Variants in POU6F2 observed in about 807,000 individuals in gnomAD.
POU6F2 encodes the protein POU class 6 homeobox 2, also known as POU domain, class 6, transcription factor 2.
A neutral mutation model predicts 71.3 loss-of-function variants in POU6F2; 31 were observed. That is an observed-to-expected ratio of 0.43 (90% CI 0.33 to 0.59). The LOEUF is 0.59. Among genes scored for constraint, POU6F2 ranks in the 20% least tolerant of loss-of-function variants. The pLI, the probability that POU6F2 is intolerant of heterozygous loss-of-function variation, is 0.04. For synonymous variants in POU6F2, 347 were observed against 355.7 expected, an observed-to-expected ratio of 0.98 and a Z score of 0.27; for missense variants, 783 against 856.8, an observed-to-expected ratio of 0.91 and a Z score of 1.07.
At chr7:39,099,100 G>GTTCA (rs1177547168) in intron 2 of POU6F2, among the ~76,000 whole-genome samples, 6 of 152,180 alleles carry the variant, frequency 3.9e-5, no homozygotes, top group Admixed American at 3.3e-4. Flanking sequence ...GGGGACAATA[G>GTTCA]TTCACTCTCT....
chr7:39,337,376 G>A (rs1785800985), intron 4 of POU6F2, among the ~76,000 whole-genome samples: 1 of 152,098 alleles, frequency 6.6e-6, no homozygotes, highest in Non-Finnish European at 1.5e-5. Context: ...ATTGGCCTAT[G>A]TCGTGTATAG....
intron 6 of POU6F2, among the ~76,000 whole-genome samples, chr7:39,429,640 T>C (rs1377275708): frequency 2.0e-5 from 3 of 152,198 alleles, no homozygotes; most frequent in Admixed American, 1.3e-4. Flanking sequence ...TAAATCTGTC[T>C]GGTACATTGA....
At chr7:39,268,272 C>G (rs1784284774) in intron 4 of POU6F2, among the ~76,000 whole-genome samples, 1 of 152,106 alleles carries the variant, frequency 6.6e-6, no homozygotes, top group Non-Finnish European at 1.5e-5. Flanking sequence ...CCATTCTGCA[C>G]CCACCCAAGC....
chr7:39,163,770 C>T (rs1479868452), intron 2 of POU6F2, among the ~76,000 whole-genome samples: 1 of 152,120 alleles, frequency 6.6e-6, no homozygotes, highest in East Asian at 1.9e-4. Flanking sequence ...ACTAGGTGTC[C>T]ATCAGTGGAT....
intron 5 of POU6F2, among the ~76,000 whole-genome samples, chr7:39,344,305 G>C (rs1417480300): frequency 6.6e-6 from 1 of 152,202 alleles, no homozygotes; most frequent in African/African-American, 2.4e-5. Context: ...GAAGTTGCTT[G>C]AGAGCGTGAA....
chr7:39,102,168 G>T (rs1002264170), intron 2 of POU6F2, among the ~76,000 whole-genome samples: 2 of 152,128 alleles, frequency 1.3e-5, no homozygotes, highest in Non-Finnish European at 2.9e-5. Context: ...ATATCTTGAC[G>T]TGCTGTCTAA....
chr7:39,029,321 T>A (rs1789887174), intron 1 of POU6F2, among the ~76,000 whole-genome samples: 1 of 152,154 alleles, frequency 6.6e-6, no homozygotes, highest in Non-Finnish European at 1.5e-5. Flanking sequence ...AATAACATTT[T>A]TTATTTTTCT....
chr7:38,980,959 C>G (rs1788301525), intron 1 of POU6F2, among the ~76,000 whole-genome samples: 1 of 152,130 alleles, frequency 6.6e-6, no homozygotes, highest in Admixed American at 6.6e-5. Flanking sequence ...ATGCCTTTCC[C>G]CTAGGATTTC....
chr7:39,102,238 G>T (rs1187749319), intron 2 of POU6F2, among the ~76,000 whole-genome samples: 1 of 152,192 alleles, frequency 6.6e-6, no homozygotes, highest in Non-Finnish European at 1.5e-5. Flanking sequence ...CCTATTAAGT[G>T]TGTCCCCAGT....
intron 4 of POU6F2, among the ~76,000 whole-genome samples, chr7:39,222,662 T>C (rs1406448312): frequency 6.6e-6 from 1 of 152,238 alleles, no homozygotes; most frequent in Non-Finnish European, 1.5e-5. Context: ...CATATAGTAT[T>C]CGTCCTTTTG....
chr7:39,004,227 G>A (rs1788992647), intron 1 of POU6F2, among the ~76,000 whole-genome samples: 2 of 152,150 alleles, frequency 1.3e-5, no homozygotes, highest in South Asian at 4.1e-4. Context: ...CTTATATGCT[G>A]TTTAAACTTC....
At chr7:39,301,922 A>C (rs1784955000) in intron 4 of POU6F2, among the ~76,000 whole-genome samples, 1 of 152,106 alleles carries the variant, frequency 6.6e-6, no homozygotes, top group Non-Finnish European at 1.5e-5. Flanking sequence ...GTTTCCTCCA[A>C]GTCTACAAAG....
chr7:39,213,212 G>T (rs942997672), intron 4 of POU6F2, among the ~76,000 whole-genome samples: 3 of 152,164 alleles, frequency 2.0e-5, no homozygotes, highest in African/African-American at 7.2e-5. Flanking sequence ...AAAGCAATTA[G>T]GTTCAAGGCC....
intron 2 of POU6F2, among the ~76,000 whole-genome samples, chr7:39,188,668 A>T (rs1793595915): frequency 1.3e-5 from 2 of 152,198 alleles, no homozygotes; most frequent in South Asian, 2.1e-4. Flanking sequence ...TTACGGGATT[A>T]TGTGAATGAT....
chr7:39,145,152 A>G (rs1262589671), intron 2 of POU6F2, among the ~76,000 whole-genome samples: 1 of 152,244 alleles, frequency 6.6e-6, no homozygotes, highest in Non-Finnish European at 1.5e-5. Flanking sequence ...TTGCCACTCT[A>G]GAGTATCTCT....
chr7:39,235,214 G>T (rs1263394195), intron 4 of POU6F2, among the ~76,000 whole-genome samples: 1 of 151,944 alleles, frequency 6.6e-6, no homozygotes, highest in Non-Finnish European at 1.5e-5. Context: ...GCCTGCCTTT[G>T]CCTGACCCAG....
intron 7 of POU6F2, among the ~76,000 whole-genome samples, chr7:39,436,593 TCCCATTTGAATA>T (rs1788249545): frequency 2.0e-5 from 3 of 152,270 alleles, no homozygotes; most frequent in African/African-American, 7.2e-5. Flanking sequence ...CTTCCTCTTT[TCCCATTTGAATA>T]CCCTTTATTT....
In POU6F2 at chr7:39,172,388, T is replaced by G. The variant is rs554893900; in HGVS notation, c.278-31847T>G. 9.8e-5 allele frequency among the ~76,000 whole-genome samples: 15 copies of G among 152,294 alleles called. No homozygotes were observed. In the East Asian group the frequency reaches 2.7e-3, roughly 27 times the overall value. On this transcript the variant is annotated intron_variant, in intron 2 of 9. Coordinates refer to ENST00000518318, the MANE Select transcript of POU6F2 (RefSeq NM_001370959.1). Reference sequence around the variant, plus strand: ...TTGGACCTGAACTTCTACAGAGTAATTCCTTGGTCACATAGTGGCTTATTC... The same window carrying G: ...TTGGACCTGAACTTCTACAGAGTAAGTCCTTGGTCACATAGTGGCTTATTC...
chr7:39,438,199 G>A (rs1215345602), intron 7 of POU6F2, among the ~76,000 whole-genome samples: 1 of 130,942 alleles, frequency 7.6e-6, no homozygotes, highest in Admixed American at 7.4e-5. Flanking sequence ...TGCGATGTTT[G>A]GTTTTTTTGT....
Sources: allele counts gnomAD v4.1 joint callset (sites outside exome capture counted in the v4.1 genomes callset), GRCh38; gene constraint gnomAD v4.1.1; transcripts MANE v1.5; gene names NCBI Gene and HGNC (gene_info 2026-07-23, HGNC 2026-07-21).